The following CACNA1E variants were observed in gnomAD, a reference collection of about 807,000 sequenced individuals.
CACNA1E encodes voltage-dependent R-type calcium channel subunit alpha-1E.
A neutral mutation model predicts 259.2 loss-of-function variants in CACNA1E; 40 were observed. The ratio of observed to expected loss-of-function variants is 0.15; its 90% CI spans 0.12 to 0.20. The LOEUF (loss-of-function observed/expected upper bound fraction) is 0.20. Ranked by LOEUF, CACNA1E falls within the 10% of genes least tolerant of loss-of-function variation. CACNA1E has a pLI of 1.00. For synonymous variants in CACNA1E, 1,104 were observed against 1,138.5 expected (o/e 0.97, Z 0.61); for missense variants, 1,874 against 3,040.1 (o/e 0.62, Z 9.02).
intron 27 of CACNA1E, 135 bp from the exon 28 acceptor site, chr1:181,755,102 C>A: frequency 3.2e-6 from 2 of 632,482 alleles, no homozygotes; most frequent in Non-Finnish European, 5.3e-6. Context: ...ACCACCTCAC[C>A]TCTTAGCAGG....
At chr1:181,421,662 G>A (rs982330177) in intron 2 of CACNA1E, among the ~76,000 whole-genome samples, 2 of 152,070 alleles carry the variant, frequency 1.3e-5, no homozygotes, top group Non-Finnish European at 2.9e-5. Flanking sequence ...CCAGTTGTCC[G>A]AGCCAAATAT....
chr1:181,550,602 A>G (rs1018045070), intron 3 of CACNA1E, among the ~76,000 whole-genome samples: 9 of 151,924 alleles, frequency 5.9e-5, no homozygotes, highest in Non-Finnish European at 1.3e-4. Context: ...GAAATGAGGG[A>G]GAAAGAGTTT....
rs558856810 is a variant in CACNA1E at position 181,563,258 on chromosome 1, T to C, written c.513-14508T>C. On this transcript the variant is annotated intron_variant, in intron 3 of 47. Transcript: ENST00000367573. ...GGAGGCGGATTGCCTATGCCTGTCA[T>C]GCAAATCAACTTTTCAGGCATCATA... is the stretch of plus-strand genomic sequence containing the variant. Among the ~76,000 whole-genome samples, 151 of 152,288 alleles carry C rather than the reference T, an allele frequency of 9.9e-4. 1 individual carries two copies. The Middle Eastern group carries it at 0.027, about 27-fold the overall frequency.
chr1:181,696,700 C>T (rs1006248222), intron 7 of CACNA1E, among the ~76,000 whole-genome samples: 9 of 152,026 alleles, frequency 5.9e-5, no homozygotes, highest in East Asian at 1.9e-4. Flanking sequence ...GATGTAGACA[C>T]GTGTATGCAC....
rs1662496635 is a variant in CACNA1E at position 181,804,523 on chromosome 1, A to C, written c.*5689A>C. 6.6e-6 allele frequency: 1 copy of C among 152,212 alleles called. No individual in the cohort carries two copies. The highest frequency in any genetic ancestry group is 6.5e-5 in the Admixed American group (1 of 15,284). 9.4% of individuals were successfully genotyped at this position (152,212 alleles called of 1,614,324 possible). A position where few individuals can be genotyped will look rare whatever the true frequency, so the allele number is the denominator to read the frequency against. On this transcript the variant is annotated 3_prime_UTR_variant, in exon 48 of 48. Coordinates refer to ENST00000367573, the MANE Select transcript of CACNA1E (RefSeq NM_001205293.3). Reference sequence around the variant, plus strand: ...CCAATACAAAATTTATGTCTTAAGAAGATAATTTTTACAATAGTGTAGTAA... The same window carrying C: ...CCAATACAAAATTTATGTCTTAAGACGATAATTTTTACAATAGTGTAGTAA...
intron 2 of CACNA1E, among the ~76,000 whole-genome samples, chr1:181,438,102 G>A (rs1013931375): frequency 6.6e-6 from 1 of 152,198 alleles, no homozygotes; most frequent in African/African-American, 2.4e-5. Flanking sequence ...TAAGGGAGGT[G>A]TGTGGTGAGA....
intron 2 of CACNA1E, among the ~76,000 whole-genome samples, chr1:181,432,891 A>T (rs1659813252): frequency 6.6e-6 from 1 of 152,248 alleles, no homozygotes; most frequent in African/African-American, 2.4e-5. Context: ...GAAACAAGTA[A>T]AATCAATATA....
intron 7 of CACNA1E, among the ~76,000 whole-genome samples, chr1:181,674,569 C>A (rs1348036773): frequency 6.6e-6 from 1 of 152,166 alleles, no homozygotes; most frequent in Admixed American, 6.5e-5. Flanking sequence ...CACAGTCCCC[C>A]TAATATGGAC....
At chr1:181,386,042 A>G (rs1655823531) in intron 1 of CACNA1E, among the ~76,000 whole-genome samples, 2 of 152,236 alleles carry the variant, frequency 1.3e-5, no homozygotes, top group Non-Finnish European at 1.5e-5. Flanking sequence ...TCAACAACAC[A>G]AGGAATTCTA....
At position 181,466,501 on chromosome 1, in the gene CACNA1E, T is replaced by C. The variant is rs1265044545; in HGVS notation, c.435-17243T>C. Among the ~76,000 whole-genome samples, 7 of 152,100 alleles carry C rather than the reference T, an allele frequency of 4.6e-5. No individual in the cohort carries two copies. In the East Asian group the frequency reaches 1.3e-3, roughly 29 times the overall value. ...AGGTGGTGGTTGCAGTGAACTGAGA[T>C]GGGGCCACTGTACTCCAGCTTGGGT... On this transcript the variant is annotated intron_variant, in intron 2 of 11. Transcript: ENST00000524607.
intron 1 of CACNA1E, among the ~76,000 whole-genome samples, chr1:181,497,863 C>A (rs948814703): frequency 1.3e-5 from 2 of 152,214 alleles, no homozygotes; most frequent in African/African-American, 4.8e-5. Context: ...GAGCAACTAT[C>A]TCTTTCCCAT....
chr1:181,555,094 A>G (rs1368518761), intron 3 of CACNA1E, among the ~76,000 whole-genome samples: 2 of 152,218 alleles, frequency 1.3e-5, no homozygotes, highest in Non-Finnish European at 2.9e-5. Flanking sequence ...CACTTGAGCC[A>G]TTTTTGTTAT....
chr1:181,397,608 G>A (rs747097823), intron 1 of CACNA1E, among the ~76,000 whole-genome samples: 1 of 152,140 alleles, frequency 6.6e-6, no homozygotes, highest in African/African-American at 2.4e-5. Context: ...AGGGTGGGGT[G>A]TTTCAGCCTC....
intron 3 of CACNA1E, among the ~76,000 whole-genome samples, chr1:181,556,480 G>T (rs1179325890): frequency 2.6e-5 from 4 of 152,174 alleles, no homozygotes; most frequent in African/African-American, 7.2e-5. Context: ...TCAGAGAGGG[G>T]CCCCTGTGGG....
intron 7 of CACNA1E, among the ~76,000 whole-genome samples, chr1:181,657,624 C>T (rs531443270): frequency 2.4e-4 from 36 of 152,074 alleles, no homozygotes; most frequent in African/African-American, 8.0e-4. Flanking sequence ...AAGTGTAGGA[C>T]GAAAGGCGTA....
chr1:181,599,997 G>C (rs1160433387), intron 6 of CACNA1E, among the ~76,000 whole-genome samples: 1 of 152,234 alleles, frequency 6.6e-6, no homozygotes, highest in Non-Finnish European at 1.5e-5. Context: ...AGTGTATACT[G>C]TCAGGTAGTG....
chr1:181,722,700 G>A (rs1572702250), intron 16 of CACNA1E, among the ~76,000 whole-genome samples: 1 of 152,190 alleles, frequency 6.6e-6, no homozygotes, highest in African/African-American at 2.4e-5. Context: ...ACTGTTAGAT[G>A]CTTTTGGGGA....
chr1:181,620,423 A>G, intron 6 of CACNA1E, among the ~76,000 whole-genome samples: 1 of 152,218 alleles, frequency 6.6e-6, no homozygotes, highest in Non-Finnish European at 1.5e-5. Flanking sequence ...ATGGGCATAC[A>G]CGTGCAATTG....
intron 2 of CACNA1E, 73 bp downstream of exon 2, chr1:181,510,655 C>T (rs1291781680): frequency 1.1e-6 from 1 of 929,686 alleles, no homozygotes; most frequent in Non-Finnish European, 1.7e-6. Flanking sequence ...CTTTATCACT[C>T]TCCCATTCCC....
Sources: gnomAD v4.1 joint callset for allele counts (sites outside exome capture counted in the v4.1 genomes callset) on GRCh38, gnomAD v4.1.1 for gene constraint, MANE v1.5 for transcripts, NCBI Gene and HGNC (gene_info 2026-07-23, HGNC 2026-07-21) for gene names.